KIAA1217: variants seen among roughly 807,000 people sequenced by gnomAD.
KIAA1217 encodes KIAA1217.
Under a neutral mutation model 163.9 loss-of-function variants are expected in KIAA1217, and 88 were observed. That is an observed-to-expected ratio of 0.54 (90% confidence interval 0.45 to 0.64). KIAA1217 has a LOEUF of 0.64. KIAA1217 is among the 30% of genes least tolerant of loss of function. KIAA1217 has a pLI of 0.00. For missense variants in KIAA1217, 2,372 were observed against 2,475.0 expected (o/e 0.96, Z 0.88); for synonymous variants, 903 against 923.1 (o/e 0.98, Z 0.39).
At chr10:23,989,111 C>T (rs573944063) in intron 1 of KIAA1217, among the ~76,000 whole-genome samples, 1 of 152,266 alleles carries the variant, frequency 6.6e-6, no homozygotes, top group Admixed American at 6.5e-5. Flanking sequence ...TGAAGCATAA[C>T]TTCCAACAGT....
At chr10:23,741,391 T>C (rs1839106312) in intron 1 of KIAA1217, among the ~76,000 whole-genome samples, 1 of 152,162 alleles carries the variant, frequency 6.6e-6, no homozygotes, top group South Asian at 2.1e-4. Flanking sequence ...TTTTCCTTAT[T>C]TTTTTTCTGC....
chr10:24,268,277 A>G (rs1046917927), intron 2 of KIAA1217, among the ~76,000 whole-genome samples: 2 of 152,174 alleles, frequency 1.3e-5, no homozygotes, highest in Non-Finnish European at 2.9e-5. Context: ...TTTTTAAATT[A>G]GGTGGGTGAA....
At chr10:24,018,543 AAAC>A (rs1315388516) in intron 2 of KIAA1217, among the ~76,000 whole-genome samples, 2 of 145,660 alleles carry the variant, frequency 1.4e-5, no homozygotes, top group African/African-American at 4.9e-5. Flanking sequence ...ATGTACCCTA[AAAC>A]TTAAAGCATA....
At chr10:24,346,483 AT>A (rs2047790465) in intron 2 of KIAA1217, among the ~76,000 whole-genome samples, 1 of 151,834 alleles carries the variant, frequency 6.6e-6, no homozygotes, top group Non-Finnish European at 1.5e-5. Context: ...AAAAATAATA[AT>A]AATAATATTT....
At chr10:24,427,270 G>A (rs543126785) in intron 3 of KIAA1217, among the ~76,000 whole-genome samples, 138 of 151,182 alleles carry the variant, frequency 9.1e-4, no homozygotes, top group African/African-American at 3.2e-3. Flanking sequence ...CCCTTCGGTT[G>A]AGGTAAAGAC....
chr10:24,389,145 C>A (rs1179256277), intron 3 of KIAA1217, among the ~76,000 whole-genome samples: 2 of 152,112 alleles, frequency 1.3e-5, no homozygotes, highest in Non-Finnish European at 2.9e-5. Flanking sequence ...AGACTTGGAA[C>A]CAGCCCAAAC....
At chr10:24,302,761 T>C (rs188889931) in intron 2 of KIAA1217, among the ~76,000 whole-genome samples, 225 of 152,138 alleles carry the variant, frequency 1.5e-3, no homozygotes, top group Non-Finnish European at 2.6e-3. Context: ...AAAGGACACT[T>C]TGAGCAGACA....
At chr10:23,793,826 A>T (rs1256813465) in intron 1 of KIAA1217, among the ~76,000 whole-genome samples, 2 of 152,184 alleles carry the variant, frequency 1.3e-5, no homozygotes, top group Non-Finnish European at 1.5e-5. Context: ...ACTGACAGAG[A>T]TAAGTTGGGC....
At chr10:23,859,081 C>T (rs1437498033) in intron 1 of KIAA1217, among the ~76,000 whole-genome samples, 1 of 152,230 alleles carries the variant, frequency 6.6e-6, no homozygotes, top group Non-Finnish European at 1.5e-5. Context: ...TTTCAATATA[C>T]TATAATTCCA....
intron 2 of KIAA1217, among the ~76,000 whole-genome samples, chr10:24,168,428 C>T (rs2131905410): frequency 6.6e-6 from 1 of 152,270 alleles, no homozygotes; most frequent in Non-Finnish European, 1.5e-5. Flanking sequence ...GGCCTCTGTC[C>T]AAAGAAAACT....
chr10:23,927,215 G>A (rs929882078), intron 1 of KIAA1217, among the ~76,000 whole-genome samples: 2 of 152,068 alleles, frequency 1.3e-5, no homozygotes, highest in Admixed American at 1.3e-4. Context: ...ATCCCAAAGT[G>A]CCTGGTCTAT....
intron 2 of KIAA1217, among the ~76,000 whole-genome samples, chr10:24,091,093 C>A (rs995538046): frequency 5.3e-5 from 8 of 151,876 alleles, no homozygotes; most frequent in African/African-American, 1.7e-4. Context: ...TAGAACCATT[C>A]CACAAAACAT....
rs143687614 is a variant in KIAA1217, at chr10:23,985,329, T to C, written c.-320-21896T>C. On this transcript the variant is annotated intron_variant, in intron 1 of 18. Transcript: ENST00000376462. ...GTCCTAGAATTTCTGGACTCTCTTCTATTTGCACACTGGTCTTTTTGGAGT... is the reference window on the plus strand; with the variant it reads ...GTCCTAGAATTTCTGGACTCTCTTCCATTTGCACACTGGTCTTTTTGGAGT... 1.3e-3 allele frequency among the ~76,000 whole-genome samples: 202 copies of C among 152,316 alleles called. 2 individuals carry two copies. Among genetic ancestry groups the C allele is most frequent in the African/African-American group, 4.6e-3 (191 of 41,572 alleles).
At chr10:23,816,265 C>A (rs962829735) in intron 1 of KIAA1217, among the ~76,000 whole-genome samples, 1 of 152,012 alleles carries the variant, frequency 6.6e-6, no homozygotes, top group Admixed American at 6.6e-5. Context: ...GTTTCCCATG[C>A]TCACATTTCT....
At chr10:23,889,038 T>A (rs2131209693) in intron 1 of KIAA1217, among the ~76,000 whole-genome samples, 1 of 152,018 alleles carries the variant, frequency 6.6e-6, no homozygotes, top group African/African-American at 2.4e-5. Flanking sequence ...TTCCTTTTCA[T>A]TGCTAAATAG....
intron 2 of KIAA1217, among the ~76,000 whole-genome samples, chr10:24,106,783 G>A (rs2062646460): frequency 6.6e-6 from 1 of 152,150 alleles, no homozygotes; most frequent in Non-Finnish European, 1.5e-5. Context: ...ATAAAAGACA[G>A]GACCAGATGC....
At position 24,337,889 on chromosome 10, in the gene KIAA1217, C is replaced by T. The variant is rs1047724382; in HGVS notation, c.355-42980C>T. 5.9e-5 allele frequency among the ~76,000 whole-genome samples: 9 copies of T among 152,196 alleles called. No individual in the cohort carries two copies. The South Asian group carries it at 8.3e-4, about 14-fold the overall frequency. The stretch of plus-strand genomic sequence containing the variant: ...TGAACTCCTGACTGCGTGATCTACC[C>T]GCCTTGGCCTCCCAAAATGCTGGGA... On this transcript the variant is annotated intron_variant, in intron 2 of 20. Coordinates refer to ENST00000376454, the MANE Select transcript of KIAA1217 (RefSeq NM_019590.5).
intron 2 of KIAA1217, among the ~76,000 whole-genome samples, chr10:24,188,107 G>C (rs2066530248): frequency 6.6e-6 from 1 of 152,088 alleles, no homozygotes; most frequent in African/African-American, 2.4e-5. Context: ...TGAGTCAGGA[G>C]AATCGCTCAA....
intron 5 of KIAA1217, among the ~76,000 whole-genome samples, chr10:24,464,172 C>A (rs1456093966): frequency 6.6e-6 from 1 of 152,204 alleles, no homozygotes; most frequent in Non-Finnish European, 1.5e-5. Flanking sequence ...AACTCCACCT[C>A]TCTTGGGTGA....
Sources: allele counts gnomAD v4.1 joint callset (sites outside exome capture counted in the v4.1 genomes callset), GRCh38; gene constraint gnomAD v4.1.1; transcripts MANE v1.5; gene names NCBI Gene and HGNC (gene_info 2026-07-23, HGNC 2026-07-21).